The following C8orf88 variants were observed in gnomAD, a reference collection of about 807,000 sequenced individuals.
C8orf88 encodes the protein uncharacterized protein C8orf88.
A neutral mutation model predicts 18.4 loss-of-function variants in C8orf88; 14 were observed. The observed-to-expected ratio is 0.76, with a 90% CI of 0.50 to 1.19. The LOEUF is 1.19. C8orf88 is among the 50% of genes most tolerant of loss of function. C8orf88 has a pLI of 0.00. For synonymous variants in C8orf88, 45 were observed against 42.9 expected (o/e 1.05, Z -0.19); for missense variants, 116 against 134.7 (o/e 0.86, Z 0.69).
chr8:90,961,863 C>T (rs1369634946), intron 4 of C8orf88, among the ~76,000 whole-genome samples: 1 of 150,548 alleles, frequency 6.6e-6, no homozygotes, highest in African/African-American at 2.4e-5. Flanking sequence ...ATTTACTGAC[C>T]CCCTAAACAT....
At position 90,960,883 on chromosome 8, in the gene C8orf88, A is replaced by G. The variant is rs1278258763; in HGVS notation, c.224-35T>C. On this transcript the variant is annotated intron_variant, in intron 4 of 5. Transcript: ENST00000517562. ...TTAAACATCAAATATAATGTTAGGA[A>G]ATGTAGGGCTGTCTAGATCACTTTT... 2.4e-6 allele frequency: 3 copies of G among 1,228,550 alleles called. No homozygotes were observed. The South Asian group carries it at 3.9e-5, about 16-fold the overall frequency. 76.1% of individuals were successfully genotyped at this position (1,228,550 alleles called of 1,614,324 possible).
chr8:90,970,326 T>C (rs1007955094), intron 4 of C8orf88, among the ~76,000 whole-genome samples: 2 of 152,042 alleles, frequency 1.3e-5, no homozygotes, highest in African/African-American at 4.8e-5. Flanking sequence ...TTGGAAATAA[T>C]TGTATTTAGA....
chr8:90,969,348 T>C (rs1337938437), intron 4 of C8orf88, among the ~76,000 whole-genome samples: 1 of 151,718 alleles, frequency 6.6e-6, no homozygotes. Flanking sequence ...TTATGGAAAG[T>C]GATAGAAGCC....
chr8:90,980,075 A>G (rs2130325112), intron 2 of C8orf88, among the ~76,000 whole-genome samples: 1 of 152,328 alleles, frequency 6.6e-6, no homozygotes, highest in South Asian at 2.1e-4. Context: ...TACTGGGAGT[A>G]TCACTCTGAC....
intron 3 of C8orf88, 61 bp downstream of exon 3, chr8:90,978,518 T>C (rs1811385278): frequency 2.9e-6 from 3 of 1,048,556 alleles, no homozygotes; most frequent in Non-Finnish European, 4.1e-6. Flanking sequence ...ACAATAGCCA[T>C]CTAACACATG....
At chr8:90,970,073 A>T (rs1030744253) in intron 4 of C8orf88, among the ~76,000 whole-genome samples, 5 of 151,958 alleles carry the variant, frequency 3.3e-5, no homozygotes, top group African/African-American at 1.2e-4. Flanking sequence ...AATAAGGCAA[A>T]CATTCGCTTT....
intron 4 of C8orf88, among the ~76,000 whole-genome samples, chr8:90,961,386 A>C (rs1482951113): frequency 6.6e-6 from 1 of 151,360 alleles, no homozygotes; most frequent in African/African-American, 2.4e-5. Context: ...TCAAATCAGA[A>C]ATGATTACCA....
At chr8:90,980,041 A>G (rs1245141563) in intron 2 of C8orf88, among the ~76,000 whole-genome samples, 1 of 152,148 alleles carries the variant, frequency 6.6e-6, no homozygotes, top group Non-Finnish European at 1.5e-5. Flanking sequence ...CCCTGCAGTT[A>G]TCATAATCAC....
chr8:90,965,506 C>A (rs1485856770), intron 4 of C8orf88, among the ~76,000 whole-genome samples: 1 of 151,684 alleles, frequency 6.6e-6, no homozygotes, highest in Admixed American at 6.6e-5. Context: ...ACCCAACTAA[C>A]CTAATTACAT....
rs866265663 is a variant in C8orf88, at chr8:90,980,390, G to A, written c.46C>T (p.Pro16Ser). ...LIGKPLQPARPVRHLTSPPGA... is the reference protein window; with the variant it reads ...LIGKPLQPARSVRHLTSPPGA... ...GGGGGAGAAGTCAGATGACGAACAG[G>A]TCTTGCTGGTTGAAGCGGTTTACCA... The change falls in exon 2 of 6, where the codon CCT becomes TCT. Residue 16 changes from proline (P) to serine (S), a missense_variant. Pro to Ser is a moderately conservative substitution (Grantham distance 74). Coordinates refer to ENST00000517562, the MANE Select transcript of C8orf88 (RefSeq NM_001190972.2). 2.6e-6 allele frequency: 4 copies of A among 1,533,166 alleles called. No individual in the cohort carries two copies. The highest frequency in any genetic ancestry group is 2.6e-6 in the Non-Finnish European group (3 of 1,145,758). 95.0% of individuals were successfully genotyped at this position (1,533,166 alleles called of 1,614,324 possible). A position where few individuals can be genotyped will look rare whatever the true frequency, so the allele number is the denominator to read the frequency against.
intron 4 of C8orf88, 144 bp from the exon 5 acceptor site, chr8:90,960,992 G>A: frequency 2.4e-6 from 1 of 411,960 alleles, no homozygotes. Context: ...GAGAAAAAAG[G>A]CTTTGACAAG....
At chr8:90,976,365 A>G (rs886262125) in intron 3 of C8orf88, among the ~76,000 whole-genome samples, 1 of 152,160 alleles carries the variant, frequency 6.6e-6, no homozygotes, top group South Asian at 2.1e-4. Flanking sequence ...GAAGCAGCAG[A>G]CAAAACTGTA....
intron 2 of C8orf88, among the ~76,000 whole-genome samples, chr8:90,979,830 A>G (rs1811406036): frequency 6.6e-6 from 1 of 152,200 alleles, no homozygotes; most frequent in African/African-American, 2.4e-5. Context: ...TCATGGGCAA[A>G]AGAAAAACAT....
intron 4 of C8orf88, among the ~76,000 whole-genome samples, chr8:90,963,117 G>A (rs951003684): frequency 6.6e-6 from 1 of 151,558 alleles, no homozygotes; most frequent in Non-Finnish European, 1.5e-5. Context: ...AAAATACATA[G>A]AGGCCTTATG....
In C8orf88 at chr8:90,959,247, C is replaced by T. The variant is rs184649012; in HGVS notation, c.331-217G>A. The T allele has an allele frequency of 2.7e-3, 771 of 281,716 alleles. 1 individual carries two copies. Among genetic ancestry groups the T allele is most frequent in the Non-Finnish European group, 3.3e-3 (504 of 152,598 alleles). The allele number at this position is 281,716 out of a possible 1,614,324, so 17.5% of individuals were successfully genotyped here. ...TTTTAAAATATATTAAATTGTATTCCAAACCTGTTCTTCTGTTTCTGTGGC... is the reference window on the plus strand; with the variant it reads ...TTTTAAAATATATTAAATTGTATTCTAAACCTGTTCTTCTGTTTCTGTGGC... On this transcript the variant is annotated intron_variant, in intron 5 of 5. Transcript: ENST00000517562.
intron 4 of C8orf88, among the ~76,000 whole-genome samples, chr8:90,963,979 A>G (rs1811161580): frequency 6.6e-6 from 1 of 151,668 alleles, no homozygotes; most frequent in Admixed American, 6.6e-5. Context: ...ACAAACTACA[A>G]ATAGAATGCA....
chr8:90,959,232 T>C (rs1402402578), intron 5 of C8orf88: 10 of 317,846 alleles, frequency 3.1e-5, no homozygotes, highest in East Asian at 5.7e-5. Context: ...TTTTAAAATA[T>C]ATTAAATTGT....
At chr8:90,968,839 C>T (rs1811243176) in intron 4 of C8orf88, among the ~76,000 whole-genome samples, 1 of 150,146 alleles carries the variant, frequency 6.7e-6, no homozygotes, top group South Asian at 2.1e-4. Flanking sequence ...AAGCATTTAT[C>T]CAAAAAAGAA....
At chr8:90,960,912 T>C in intron 4 of C8orf88, 64 bp from the exon 5 acceptor site, 1 of 865,040 alleles carries the variant, frequency 1.2e-6, no homozygotes, top group Non-Finnish European at 1.8e-6. Context: ...CACTTTTTGG[T>C]TCATTTCTTT....
Sources: allele counts gnomAD v4.1 joint callset (sites outside exome capture counted in the v4.1 genomes callset), GRCh38; gene constraint gnomAD v4.1.1; transcripts MANE v1.5; gene names NCBI Gene and HGNC (gene_info 2026-07-23, HGNC 2026-07-21).